NRCAM: variants seen among roughly 807,000 people sequenced by gnomAD.
NRCAM encodes neuronal cell adhesion molecule.
In NRCAM, 83 loss-of-function variants were observed where a neutral mutation model predicts 156.5. The ratio of observed to expected loss-of-function variants is 0.53; its 90% confidence interval spans 0.44 to 0.64. NRCAM has a LOEUF of 0.64. Ranked by LOEUF, NRCAM falls within the 30% of genes least tolerant of loss-of-function variation. The pLI is 0.00. For synonymous variants in NRCAM, 538 were observed against 563.9 expected (o/e 0.95, Z 0.65); for missense variants, 1,417 against 1,597.3 (o/e 0.89, Z 1.92).
chr7:108,211,983 C>T (rs773628341), intron 11 of NRCAM, among the ~76,000 whole-genome samples: 5 of 152,206 alleles, frequency 3.3e-5, no homozygotes, highest in African/African-American at 4.8e-5. Flanking sequence ...TAAGAACCCT[C>T]ACAGAGTCCA....
In NRCAM at chr7:108,191,761, C is replaced by T; in HGVS notation, c.1871G>A (p.Ser624Asn). The stretch of plus-strand genomic sequence containing the variant: ...GCTAAGCACAGCGCTGGCGGAGACG[C>T]TGTCCAGAGTGGTGTTGGCCACACA... ...YTCVANTTLD[S>N]VSASAVLSVV... Residue 624 changes from serine (S) to asparagine (N), a missense_variant, in exon 18 of 33, where the codon AGC (serine) becomes AAC (asparagine). By Grantham distance (46) the Ser-to-Asn change is conservative (BLOSUM62 1). Transcript: ENST00000379028. The T allele has an allele frequency of 6.2e-7, 1 of 1,613,956 alleles. No homozygotes were observed. Among genetic ancestry groups the T allele is most frequent in the Non-Finnish European group, 8.5e-7 (1 of 1,179,872 alleles).
chr7:108,450,624 ATAT>A (rs1360725211), intron 1 of NRCAM, among the ~76,000 whole-genome samples: 1 of 152,064 alleles, frequency 6.6e-6, no homozygotes, highest in Non-Finnish European at 1.5e-5. Context: ...TAAAAAAAGC[ATAT>A]TTATTTAACT....
intron 11 of NRCAM, among the ~76,000 whole-genome samples, chr7:108,220,532 G>A (rs2091861298): frequency 6.6e-6 from 1 of 152,124 alleles, no homozygotes; most frequent in African/African-American, 2.4e-5. Flanking sequence ...AGAGAACCCA[G>A]AGATAAACCC....
intron 2 of NRCAM, among the ~76,000 whole-genome samples, chr7:108,386,841 T>G (rs185254371): frequency 6.6e-6 from 1 of 152,178 alleles, no homozygotes; most frequent in East Asian, 1.9e-4. Flanking sequence ...GGAGGTATCA[T>G]TTCTGAAATC....
intron 1 of NRCAM, among the ~76,000 whole-genome samples, chr7:108,442,030 G>A (rs1373001835): frequency 6.6e-6 from 1 of 152,200 alleles, no homozygotes; most frequent in East Asian, 1.9e-4. Context: ...ATAGTAATAA[G>A]TTATAAAAAT....
chr7:108,267,567 G>A (rs1222884949), intron 3 of NRCAM, among the ~76,000 whole-genome samples: 1 of 152,084 alleles, frequency 6.6e-6, no homozygotes, highest in Non-Finnish European at 1.5e-5. Flanking sequence ...CCCCAAAAAA[G>A]CCCACTTAAA....
intron 3 of NRCAM, among the ~76,000 whole-genome samples, chr7:108,286,952 C>T (rs2098122504): frequency 6.6e-6 from 1 of 152,014 alleles, no homozygotes; most frequent in African/African-American, 2.4e-5. Flanking sequence ...TCAAGCTCTT[C>T]TAAGTATACT....
intron 3 of NRCAM, among the ~76,000 whole-genome samples, chr7:108,253,201 C>A (rs1590112634): frequency 6.6e-6 from 1 of 152,200 alleles, no homozygotes; most frequent in East Asian, 1.9e-4. Flanking sequence ...CAACATAATT[C>A]ACGCCCTTGA....
chr7:108,375,700 G>A (rs939759422), intron 2 of NRCAM, among the ~76,000 whole-genome samples: 1 of 152,150 alleles, frequency 6.6e-6, no homozygotes, highest in African/African-American at 2.4e-5. Context: ...GCCAAAGCAA[G>A]TATACGGAAA....
intron 3 of NRCAM, among the ~76,000 whole-genome samples, chr7:108,297,790 C>T (rs2098480633): frequency 6.6e-6 from 1 of 152,166 alleles, no homozygotes; most frequent in Non-Finnish European, 1.5e-5. Context: ...TGTGTGTGTG[C>T]ATGCGCACGT....
At chr7:108,354,091 T>G (rs781153967) in intron 2 of NRCAM, among the ~76,000 whole-genome samples, 3 of 152,218 alleles carry the variant, frequency 2.0e-5, no homozygotes, top group Non-Finnish European at 2.9e-5. Flanking sequence ...CCAGTTACCT[T>G]AGCCCTTAAG....
chr7:108,390,576 G>T (rs182981516), intron 2 of NRCAM, among the ~76,000 whole-genome samples: 141 of 152,080 alleles, frequency 9.3e-4, no homozygotes, highest in African/African-American at 3.1e-3. Context: ...ATCTCCTTCA[G>T]TTCTGCTCTG....
At chr7:108,166,355 C>G (rs2054226407) in intron 30 of NRCAM, among the ~76,000 whole-genome samples, 1 of 150,498 alleles carries the variant, frequency 6.6e-6, no homozygotes, top group African/African-American at 2.4e-5. Context: ...TCAAGTGATT[C>G]TCCTGCCTCA....
chr7:108,452,002 A>G (rs1417349173), intron 1 of NRCAM, among the ~76,000 whole-genome samples: 1 of 152,230 alleles, frequency 6.6e-6, no homozygotes, highest in African/African-American at 2.4e-5. Flanking sequence ...TTTTAAATAA[A>G]CATATTGCAT....
intron 3 of NRCAM, among the ~76,000 whole-genome samples, chr7:108,257,683 CATCTGCAA>C (rs2096737003): frequency 6.6e-6 from 1 of 152,146 alleles, no homozygotes; most frequent in South Asian, 2.1e-4. Flanking sequence ...TTTCTATCAT[CATCTGCAA>C]ATCAATTTCC....
chr7:108,272,602 A>G (rs936251215), intron 3 of NRCAM, among the ~76,000 whole-genome samples: 1 of 151,996 alleles, frequency 6.6e-6, no homozygotes, highest in African/African-American at 2.4e-5. Context: ...TATGTTATAC[A>G]TATTTTTATA....
At chr7:108,179,035 A>G (rs2062116214) in intron 25 of NRCAM, among the ~76,000 whole-genome samples, 1 of 152,178 alleles carries the variant, frequency 6.6e-6, no homozygotes, top group African/African-American at 2.4e-5. Flanking sequence ...TGGTCCTAAA[A>G]CCATGCCTGG....
chr7:108,360,922 T>C (rs1328327689), intron 2 of NRCAM, among the ~76,000 whole-genome samples: 1 of 152,160 alleles, frequency 6.6e-6, no homozygotes, highest in Non-Finnish European at 1.5e-5. Flanking sequence ...AAAACCATTT[T>C]TTATATATGA....
intron 3 of NRCAM, among the ~76,000 whole-genome samples, chr7:108,281,640 G>A (rs1290221797): frequency 1.3e-5 from 2 of 152,228 alleles, no homozygotes; most frequent in Non-Finnish European, 2.9e-5. Flanking sequence ...CAGAAAGGCA[G>A]GGTAAAGCCC....
Sources: gnomAD v4.1 joint callset for allele counts (sites outside exome capture counted in the v4.1 genomes callset) on GRCh38, gnomAD v4.1.1 for gene constraint, MANE v1.5 for transcripts, NCBI Gene and HGNC (gene_info 2026-07-23, HGNC 2026-07-21) for gene names.